Variants in NIM1K observed in about 807,000 individuals in gnomAD.
NIM1K encodes the protein NIM1 serine/threonine protein kinase.
In NIM1K, 35 loss-of-function variants were observed where a neutral mutation model predicts 37.1. The ratio of observed to expected loss-of-function variants is 0.94; its 90% CI spans 0.72 to 1.25. The LOEUF is 1.25. Among genes scored for constraint, NIM1K ranks in the 50% most tolerant of loss-of-function variants. The probability of loss-of-function intolerance (pLI) is 0.00; values close to 1 mark genes in which losing one functional copy is unlikely to be tolerated. For synonymous variants in NIM1K, 234 were observed against 206.6 expected (o/e 1.13, Z -1.14); for missense variants, 564 against 548.0 (o/e 1.03, Z -0.29).
chr5:43,199,033 A>G (rs1751977358), intron 1 of NIM1K, among the ~76,000 whole-genome samples: 1 of 151,414 alleles, frequency 6.6e-6, no homozygotes, highest in African/African-American at 2.4e-5. Flanking sequence ...TACTAAAAAT[A>G]CAAAATTAGC....
At chr5:43,253,185 TATATA>T (rs1191917722) in intron 2 of NIM1K, among the ~76,000 whole-genome samples, 7 of 139,778 alleles carry the variant, frequency 5.0e-5, no homozygotes, top group Non-Finnish European at 1.1e-4. Context: ...TATAATGTAA[TATATA>T]ATATAATATA....
intron 1 of NIM1K, among the ~76,000 whole-genome samples, chr5:43,196,565 A>T (rs1388614610): frequency 6.6e-6 from 1 of 151,988 alleles, no homozygotes; most frequent in Non-Finnish European, 1.5e-5. Context: ...AGCCTGAGAG[A>T]TGGAGCTTGT....
chr5:43,238,039 A>ATTTTT (rs71608701), intron 1 of NIM1K, among the ~76,000 whole-genome samples: 31 of 120,604 alleles, frequency 2.6e-4, no homozygotes, highest in Non-Finnish European at 3.3e-4. Context: ...CTTCAATTTA[A>ATTTTT]TTTTTTTTTT....
chr5:43,279,067 CT>C (rs1288238638), intron 3 of NIM1K, among the ~76,000 whole-genome samples: 1 of 152,220 alleles, frequency 6.6e-6, no homozygotes, highest in Admixed American at 6.5e-5. Context: ...AGATGTTAGT[CT>C]TCAGCAGCTC....
intron 1 of NIM1K, chr5:43,232,167 T>G (rs1752549040): frequency 1.0e-6 from 1 of 991,956 alleles, no homozygotes; most frequent in East Asian, 3.2e-5. Flanking sequence ...TGGTCTTGAT[T>G]GATGGTGGCA....
At chr5:43,264,539 G>T (rs1184151863) in intron 2 of NIM1K, among the ~76,000 whole-genome samples, 1 of 152,154 alleles carries the variant, frequency 6.6e-6, no homozygotes, top group African/African-American at 2.4e-5. Context: ...TGGGTCTCCT[G>T]AATACAGCAC....
chr5:43,264,412 A>C (rs192784518), intron 2 of NIM1K, among the ~76,000 whole-genome samples: 17 of 152,102 alleles, frequency 1.1e-4, no homozygotes, highest in African/African-American at 3.9e-4. Context: ...TGTTAGTTTA[A>C]AGTCTGTTTT....
chr5:43,242,067 G>C (rs897979352), intron 1 of NIM1K, among the ~76,000 whole-genome samples: 1 of 152,004 alleles, frequency 6.6e-6, no homozygotes, highest in Non-Finnish European at 1.5e-5. Flanking sequence ...TGATCTAAAT[G>C]GAAGATTAAC....
At chr5:43,275,969 C>T (rs112138677) in intron 2 of NIM1K, among the ~76,000 whole-genome samples, 5,032 of 148,368 alleles carry the variant, frequency 0.034, 305 homozygotes, top group African/African-American at 0.12. Flanking sequence ...GGTGCGATCT[C>T]GGCTCACTGC....
chr5:43,232,684 T>C (rs561900448), intron 1 of NIM1K: 1 of 1,498,894 alleles, frequency 6.7e-7, no homozygotes, highest in South Asian at 1.3e-5. Context: ...CTTGGACTTC[T>C]TGCCGTAATC....
rs796522934 is a variant in NIM1K, at chr5:43,240,177, G to C, written c.-694-4905G>C. 3.2e-4 allele frequency: 48 copies of C among 152,004 alleles called. 1 individual carries two copies. The highest frequency in any genetic ancestry group is 1.2e-3 in the African/African-American group (48 of 41,294). The allele number at this position is 152,004 out of a possible 1,614,324, so 9.4% of individuals were successfully genotyped here. The stretch of plus-strand genomic sequence containing the variant: ...CAGCCTTGACTTCCCAGGTTCAAGT[G>C]ATTCTCCCACTTTGGCTTCCTGAGT... On this transcript the variant is annotated intron_variant, in intron 1 of 3. Coordinates refer to ENST00000326035, the MANE Select transcript of NIM1K (RefSeq NM_153361.4).
At chr5:43,200,877 G>A (rs1330287390) in intron 1 of NIM1K, among the ~76,000 whole-genome samples, 2 of 152,118 alleles carry the variant, frequency 1.3e-5, no homozygotes, top group Non-Finnish European at 2.9e-5. Context: ...TGTAATCCCA[G>A]CACTTTAGGA....
chr5:43,266,348 C>T (rs1162077035), intron 2 of NIM1K, among the ~76,000 whole-genome samples: 2 of 152,206 alleles, frequency 1.3e-5, no homozygotes, highest in African/African-American at 2.4e-5. Flanking sequence ...GCCTCATTGC[C>T]ACCTTGCAGT....
At chr5:43,210,741 A>T (rs1412314577) in intron 1 of NIM1K, among the ~76,000 whole-genome samples, 2 of 152,242 alleles carry the variant, frequency 1.3e-5, no homozygotes, top group Non-Finnish European at 2.9e-5. Context: ...AAAGTCACTG[A>T]CATGAAGCAG....
chr5:43,235,448 A>G (rs1307526939), intron 1 of NIM1K, among the ~76,000 whole-genome samples: 1 of 152,232 alleles, frequency 6.6e-6, no homozygotes, highest in Non-Finnish European at 1.5e-5. Context: ...TTGTCAAGCT[A>G]CTACTGTGTC....
chr5:43,206,537 A>T (rs1752114729), intron 1 of NIM1K, among the ~76,000 whole-genome samples: 1 of 151,900 alleles, frequency 6.6e-6, no homozygotes, highest in South Asian at 2.1e-4. Flanking sequence ...TGGGGGAGAA[A>T]AAAAGAAAAT....
chr5:43,250,976 C>T (rs112191324), intron 2 of NIM1K, among the ~76,000 whole-genome samples: 2 of 152,168 alleles, frequency 1.3e-5, no homozygotes, highest in South Asian at 4.1e-4. Flanking sequence ...ATATTAATCT[C>T]TTTGGTCCTC....
intron 1 of NIM1K, among the ~76,000 whole-genome samples, chr5:43,199,352 C>A (rs1216111315): frequency 6.6e-6 from 1 of 151,184 alleles, no homozygotes; most frequent in Admixed American, 6.6e-5. Flanking sequence ...TACGCTTTGG[C>A]CTGCAGTTAA....
chr5:43,262,418 A>G (rs1225869229), intron 2 of NIM1K, among the ~76,000 whole-genome samples: 1 of 151,960 alleles, frequency 6.6e-6, no homozygotes, highest in Non-Finnish European at 1.5e-5. Flanking sequence ...TTTGTCTGTT[A>G]TTGGTAGAGG....
Sources: gnomAD v4.1 joint callset for allele counts (sites outside exome capture counted in the v4.1 genomes callset) on GRCh38, gnomAD v4.1.1 for gene constraint, MANE v1.5 for transcripts, NCBI Gene and HGNC (gene_info 2026-07-23, HGNC 2026-07-21) for gene names.